The following RELN variants were observed in gnomAD, a reference collection of about 807,000 sequenced individuals.
RELN encodes the protein reelin.
A neutral mutation model predicts 427.6 loss-of-function variants in RELN; 108 were observed. The ratio of observed to expected loss-of-function variants is 0.25; its 90% CI spans 0.22 to 0.30. RELN has a LOEUF of 0.30. RELN is among the 10% of genes least tolerant of loss of function. The pLI is 1.00. For synonymous variants in RELN, 1,524 were observed against 1,513.4 expected (o/e 1.01, Z -0.16); for missense variants, 3,715 against 4,302.8 (o/e 0.86, Z 3.82).
chr7:103,565,197 C>A (rs1450814276), intron 34 of RELN, 81 bp downstream of exon 34: 3 of 1,498,960 alleles, frequency 2.0e-6, no homozygotes, highest in Non-Finnish European at 2.8e-6. Context: ...ATAATAGAAT[C>A]CCCAGGCCGA....
Position 103,596,460 on chromosome 7 carries a change from G to A in RELN, c.3535C>T (p.Pro1179Ser), listed in dbSNP as rs1226256879. The change falls in exon 25 of 65, where the codon CCC becomes TCC. Residue 1179 changes from proline (P) to serine (S), a missense_variant. Pro to Ser is a moderately conservative substitution (Grantham distance 74). Around this residue, in one of 4 missense-constraint regions of RELN, gnomAD observed 2,208 missense variants for 2,361.7 expected, o/e 0.93. Transcript: ENST00000428762. ...GACCATCAGGTGGGTAGTTACCTGGGTTTGCTGAAGTCTGAAAAGTACATC... is the reference window on the plus strand; with the variant it reads ...GACCATCAGGTGGGTAGTTACCTGGATTTGCTGAAGTCTGAAAAGTACATC... Reference protein sequence around the residue: ...AEMYFSDFSKPRFVYLELPAA... With the variant: ...AEMYFSDFSKSRFVYLELPAA... 4.3e-6 allele frequency: 7 copies of A among 1,613,082 alleles called. No individual in the cohort carries two copies. Among genetic ancestry groups the A allele is most frequent in the Non-Finnish European group, 5.9e-6 (7 of 1,179,518 alleles).
intron 34 of RELN, among the ~76,000 whole-genome samples, chr7:103,564,088 G>A (rs1306017859): frequency 6.6e-6 from 1 of 152,222 alleles, no homozygotes; most frequent in African/African-American, 2.4e-5. Flanking sequence ...TGTAGTACCA[G>A]AGTGCTTAAA....
intron 3 of RELN, among the ~76,000 whole-genome samples, chr7:103,804,989 T>G (rs1792561269): frequency 6.6e-6 from 1 of 152,044 alleles, no homozygotes; most frequent in African/African-American, 2.4e-5. Flanking sequence ...ATGAAATAAT[T>G]TAATATCTAA....
At chr7:103,761,593 C>G (rs77082068) in intron 4 of RELN, among the ~76,000 whole-genome samples, 1 of 151,972 alleles carries the variant, frequency 6.6e-6, no homozygotes, top group African/African-American at 2.4e-5. Context: ...GCTGGGACTA[C>G]AGGCATACAG....
intron 6 of RELN, among the ~76,000 whole-genome samples, chr7:103,728,923 T>A (rs1170796447): frequency 1.3e-5 from 2 of 152,168 alleles, no homozygotes; most frequent in African/African-American, 4.8e-5. Context: ...ATAACGGAAT[T>A]AGCTCCTATC....
At chr7:103,609,039 A>G (rs1463803712) in intron 22 of RELN, among the ~76,000 whole-genome samples, 3 of 152,108 alleles carry the variant, frequency 2.0e-5, no homozygotes, top group African/African-American at 7.2e-5. Context: ...CCTGGCCAAC[A>G]TGACAAAACC....
intron 2 of RELN, among the ~76,000 whole-genome samples, chr7:103,856,804 C>G (rs1198288551): frequency 6.6e-6 from 1 of 151,858 alleles, no homozygotes; most frequent in Non-Finnish European, 1.5e-5. Context: ...CTAGATTCTT[C>G]TATTAGCAAA....
intron 27 of RELN, among the ~76,000 whole-genome samples, chr7:103,590,632 A>C (rs187202657): frequency 6.6e-6 from 1 of 152,158 alleles, no homozygotes; most frequent in African/African-American, 2.4e-5. Context: ...ACTTAGATGA[A>C]ACAGCTGAGT....
At chr7:103,924,380 G>T (rs1301906994) in intron 1 of RELN, among the ~76,000 whole-genome samples, 1 of 152,090 alleles carries the variant, frequency 6.6e-6, no homozygotes, top group East Asian at 1.9e-4. Flanking sequence ...ACTAAACGCA[G>T]TGTGATAAAG....
At chr7:103,921,913 C>T (rs988392024) in intron 1 of RELN, among the ~76,000 whole-genome samples, 3 of 152,184 alleles carry the variant, frequency 2.0e-5, no homozygotes, top group Admixed American at 1.3e-4. Context: ...AATGTCATCT[C>T]TCTCATGCAG....
At chr7:103,592,041 CT>C (rs955057378) in intron 27 of RELN, among the ~76,000 whole-genome samples, 1 of 152,104 alleles carries the variant, frequency 6.6e-6, no homozygotes, top group Non-Finnish European at 1.5e-5. Context: ...GTGTAGACCT[CT>C]TTACTCAACA....
chr7:103,736,038 C>T (rs1790483910), intron 6 of RELN, among the ~76,000 whole-genome samples: 1 of 152,190 alleles, frequency 6.6e-6, no homozygotes, highest in African/African-American at 2.4e-5. Flanking sequence ...AGGTACGGAT[C>T]ACACTGCCTG....
At chr7:103,730,475 T>C (rs2115948014) in intron 6 of RELN, among the ~76,000 whole-genome samples, 1 of 151,254 alleles carries the variant, frequency 6.6e-6, no homozygotes, top group South Asian at 2.1e-4. Context: ...TGTGGCAGAA[T>C]AGCAGGGATT....
intron 34 of RELN, 49 bp downstream of exon 34, chr7:103,565,229 A>C (rs1337978413): frequency 6.3e-7 from 1 of 1,591,362 alleles, no homozygotes; most frequent in Non-Finnish European, 8.6e-7. Context: ...TTTCAAATTA[A>C]GTGACAGGCA....
At chr7:103,946,394 A>G (rs923779060) in intron 1 of RELN, among the ~76,000 whole-genome samples, 9 of 152,186 alleles carry the variant, frequency 5.9e-5, no homozygotes, top group African/African-American at 2.2e-4. Flanking sequence ...AACAAAAAAA[A>G]GGTGAGAAGT....
intron 2 of RELN, among the ~76,000 whole-genome samples, chr7:103,855,280 G>A (rs1793918477): frequency 6.6e-6 from 1 of 152,324 alleles, no homozygotes; most frequent in East Asian, 1.9e-4. Flanking sequence ...GGTGTGCACA[G>A]GCAGCACACT....
chr7:103,704,722 G>T (rs1584421276), intron 8 of RELN, among the ~76,000 whole-genome samples: 1 of 150,514 alleles, frequency 6.6e-6, no homozygotes, highest in Non-Finnish European at 1.5e-5. Flanking sequence ...CCCACCTTCT[G>T]CTCCTTCCCT....
At chr7:103,547,283 C>A (rs1242916527) in intron 41 of RELN, among the ~76,000 whole-genome samples, 5 of 152,138 alleles carry the variant, frequency 3.3e-5, no homozygotes, top group Non-Finnish European at 5.9e-5. Flanking sequence ...GCGACAGATT[C>A]AAGTTCCTAC....
intron 46 of RELN, among the ~76,000 whole-genome samples, chr7:103,531,721 A>G (rs534482333): frequency 3.3e-5 from 5 of 152,156 alleles, no homozygotes; most frequent in African/African-American, 1.2e-4. Flanking sequence ...ATCCTCTCCT[A>G]TTTGTTTTCT....
Sources: allele counts gnomAD v4.1 joint callset (sites outside exome capture counted in the v4.1 genomes callset), GRCh38; gene constraint gnomAD v4.1.1; regional missense constraint gnomAD v4.1.1; transcripts MANE v1.5; gene names NCBI Gene and HGNC (gene_info 2026-07-23, HGNC 2026-07-21).